USP36: variants seen among roughly 807,000 people sequenced by gnomAD.
USP36 encodes the protein ubiquitin carboxyl-terminal hydrolase 36.
A neutral mutation model predicts 111.5 loss-of-function variants in USP36; 59 were observed. The ratio of observed to expected loss-of-function variants is 0.53; its 90% CI spans 0.43 to 0.66. The LOEUF is 0.66. USP36 is among the 30% of genes least tolerant of loss of function. The probability of loss-of-function intolerance (pLI) is 0.00; values close to 1 mark genes in which losing one functional copy is unlikely to be tolerated. For synonymous variants in USP36, 628 were observed against 581.0 expected (o/e 1.08, Z -1.16); for missense variants, 1,488 against 1,468.0 (o/e 1.01, Z -0.22).
chr17:78,817,616 G>T (rs966862589), intron 10 of USP36, among the ~76,000 whole-genome samples: 2 of 151,906 alleles, frequency 1.3e-5, no homozygotes, highest in Non-Finnish European at 2.9e-5. Context: ...TTAGCCAGGT[G>T]TGGTGGTGGG....
chr17:78,819,901 T>C (rs1407924684), intron 9 of USP36, 29 bp downstream of exon 9: 6 of 1,610,938 alleles, frequency 3.7e-6, no homozygotes, highest in East Asian at 4.5e-5. Flanking sequence ...CTGGTATCAG[T>C]CTTCTGCCAC....
At chr17:78,822,472 T>C (rs1187241206) in intron 6 of USP36, among the ~76,000 whole-genome samples, 2 of 130,746 alleles carry the variant, frequency 1.5e-5, no homozygotes, top group Admixed American at 7.6e-5. Flanking sequence ...GGAAGAGGGG[T>C]GGGGGTGGGA....
chr17:78,816,415 C>G (rs1270826621), intron 10 of USP36, among the ~76,000 whole-genome samples: 2 of 152,030 alleles, frequency 1.3e-5, no homozygotes, highest in Non-Finnish European at 2.9e-5. Context: ...CACTTGAGGT[C>G]AGGAGTTCAA....
Position 78,802,448 on chromosome 17 carries a change from CTG to C in USP36, c.2896_2897del (p.Gln966AlafsTer58). On this transcript the variant is annotated frameshift_variant, in exon 17 of 21. Transcript: ENST00000449938. LOFTEE classifies it high-confidence loss of function. ...KKKKKRKQET[Q>X]RAVEEDGHLK... ...GATGCCCATCCTCTTCTACTGCCCG[CTG>C]TGTCTCCTGCTTTCTTTTTTTCTTT... The C allele has an allele frequency of 6.2e-7, 1 of 1,607,258 alleles. No homozygotes were observed.
At chr17:78,821,109 C>T in intron 7 of USP36, 48 bp from the exon 8 acceptor site, 2 of 1,544,712 alleles carry the variant, frequency 1.3e-6, no homozygotes, top group African/African-American at 1.4e-5. Flanking sequence ...GGCAGAGGCA[C>T]TCCCAGCTCC....
chr17:78,818,669 T>C lies in USP36; in HGVS notation c.1021A>G (p.Lys341Glu). The change falls in exon 10 of 21, where the codon AAG (lysine) becomes GAG (glutamate). Residue 341 changes from lysine to glutamate, a missense_variant and splice_region_variant. This residue lies in a region of USP36 where 196 missense variants were observed against 264.4 expected (regional missense o/e 0.74). Transcript: ENST00000449938. The part of the protein sequence containing the change: ...FANFSGGKIT[K>E]DVGYPEFLNI... ...GGGATGGTGTCACGAGCGCTCACCT[T>C]GGTGATCTTCCCCCCGCTGAAGTTG... 6.2e-7 allele frequency: 1 copy of C among 1,613,736 alleles called. No individual in the cohort carries two copies. The highest frequency in any genetic ancestry group is 8.5e-7 in the Non-Finnish European group (1 of 1,179,712).
intron 7 of USP36, 64 bp from the exon 8 acceptor site, chr17:78,821,125 C>T: frequency 6.7e-7 from 1 of 1,498,866 alleles, no homozygotes; most frequent in Non-Finnish European, 9.0e-7. Flanking sequence ...GCTCCCAAGA[C>T]CGAGACCCAG....
At chr17:78,812,009 T>G (rs968322120) in intron 13 of USP36, among the ~76,000 whole-genome samples, 5 of 152,126 alleles carry the variant, frequency 3.3e-5, no homozygotes, top group African/African-American at 1.2e-4. Context: ...GGCAACATAG[T>G]GAGACCCTGT....
At position 78,821,409 on chromosome 17, in the gene USP36, TATATATA is replaced by T. The variant is rs1319026662; in HGVS notation, c.758-355_758-349del. 2.4e-3 allele frequency: 159 copies of T among 65,120 alleles called. 1 individual carries two copies. The highest frequency in any genetic ancestry group is 3.3e-3 in the Non-Finnish European group (122 of 36,528). The allele number at this position is 65,120 out of a possible 1,614,324, so 4.0% of individuals were successfully genotyped here. ...GAGAATATATATATATATATATATA[TATATATA>T]TATATTTTTTTTTTTTTTTTTTTTT... is the stretch of plus-strand genomic sequence containing the variant. On this transcript the variant is annotated intron_variant, in intron 7 of 20. Transcript: ENST00000449938.
intron 4 of USP36, among the ~76,000 whole-genome samples, chr17:78,830,085 A>AC: frequency 6.6e-6 from 1 of 152,274 alleles, no homozygotes; most frequent in Non-Finnish European, 1.5e-5. Flanking sequence ...GTAAATAAAC[A>AC]CTGCTGTGAT....
chr17:78,823,233 C>G (rs1599064455), intron 6 of USP36: 1 of 398,676 alleles, frequency 2.5e-6, no homozygotes, highest in East Asian at 3.6e-5. Flanking sequence ...ACTGTCCCAC[C>G]ATTCTTCAAA....
intron 7 of USP36, chr17:78,821,421 T>TATATATATATATATA (rs1491310696): frequency 3.0e-4 from 8 of 26,956 alleles, no homozygotes; most frequent in Non-Finnish European, 4.4e-4. Context: ...TATATATATA[T>TATATATATATATATA]TTTTTTTTTT....
At chr17:78,826,320 G>A (rs904937204) in intron 6 of USP36, among the ~76,000 whole-genome samples, 2 of 152,178 alleles carry the variant, frequency 1.3e-5, no homozygotes, top group Admixed American at 6.5e-5. Flanking sequence ...TTGAGGCCAG[G>A]AGTTGGAGAC....
chr17:78,791,022 T>C (rs1440738226), downstream of USP36, among the ~76,000 whole-genome samples: 1 of 152,068 alleles, frequency 6.6e-6, no homozygotes, highest in Admixed American at 6.5e-5. Flanking sequence ...CTGACAATCA[T>C]GATAATTTGA....
At position 78,828,890 on chromosome 17, in the gene USP36, T is replaced by C. The variant is rs1299699047; in HGVS notation, c.586+7A>G. The C allele has an allele frequency of 6.2e-7, 1 of 1,613,726 alleles. No individual in the cohort carries two copies. Among genetic ancestry groups the C allele is most frequent in the Non-Finnish European group, 8.5e-7 (1 of 1,179,790 alleles). On this transcript the variant is annotated splice_region_variant and intron_variant, in intron 5 of 20. Coordinates refer to ENST00000449938, the MANE Select transcript of USP36 (RefSeq NM_001385174.1). ...TCACAAAAATTTTAACATGGATTGA[T>C]GCTTACTTTTCAGGTCTCGGATGAA... is the stretch of plus-strand genomic sequence containing the variant.
chr17:78,805,574 C>T (rs2093876045), intron 15 of USP36, among the ~76,000 whole-genome samples: 1 of 152,154 alleles, frequency 6.6e-6, no homozygotes, highest in Non-Finnish European at 1.5e-5. Context: ...AGCCATTTAC[C>T]AGTTACTCTC....
rs2093942051 is a variant in USP36, at chr17:78,807,576, A to G, written c.1468T>C (p.Ser490Pro). The G allele has an allele frequency of 6.2e-7, 1 of 1,601,200 alleles. No individual in the cohort carries two copies. Among genetic ancestry groups the G allele is most frequent in the African/African-American group, 1.3e-5 (1 of 74,420 alleles). ...HTTEEIGVPI[S>P]RNGSTLGLKS... Reference sequence around the variant, plus strand: ...AGGCCCAGGGTGGAGCCATTCCTGGATATGGGCACACCAATCTCTTCAGTG... The same window carrying G: ...AGGCCCAGGGTGGAGCCATTCCTGGGTATGGGCACACCAATCTCTTCAGTG... The change falls in exon 14 of 21, where the codon TCC becomes CCC. Residue 490 changes from serine to proline, a missense_variant. By Grantham distance (74) the Ser-to-Pro change is moderately conservative. This residue lies in a region of USP36 where 1,073 missense variants were observed against 994.1 expected (regional missense o/e 1.08). Transcript: ENST00000449938.
Position 78,827,226 on chromosome 17 carries a change from T to A in USP36, c.689+19A>T. 1 of 619,608 alleles carries A rather than the reference T, an allele frequency of 1.6e-6. No individual in the cohort carries two copies. The highest frequency in any genetic ancestry group is 2.0e-6 in the Non-Finnish European group (1 of 505,768). The allele number at this position is 619,608 out of a possible 1,614,324, so 38.4% of individuals were successfully genotyped here. On this transcript the variant is annotated intron_variant, in intron 6 of 20. Transcript: ENST00000449938. ...AAAGGTGTCCAAAGCCCTGGGAGGG[T>A]GGGTGGGGAAGCACGCACTTGGCAC...
Position 78,803,445 on chromosome 17 carries a change from CT to C in USP36, c.2749del (p.Arg917GlyfsTer53). On this transcript the variant is annotated frameshift_variant, in exon 16 of 21. Coordinates refer to ENST00000449938, the MANE Select transcript of USP36 (RefSeq NM_001385174.1). LOFTEE classifies it high-confidence loss of function. This position sits in a 1 kb window ranked among gnomAD's most constrained non-coding sequence, Gnocchi z 4.6. ...GHHASSRKRRRKGAEGLGEEG... is the reference protein window; with the variant it reads ...GHHASSRKRRXKGAEGLGEEG... ...TTCACCAAGACCTTCTGCTCCTTTC[CT>C]CCTCCGCTTCCTGCTGCTCGCGTGG... is the stretch of plus-strand genomic sequence containing the variant. 1 of 1,614,184 alleles carries C rather than the reference CT, an allele frequency of 6.2e-7. No individual in the cohort carries two copies. The highest frequency in any genetic ancestry group is 8.5e-7 in the Non-Finnish European group (1 of 1,180,048).
Sources: gnomAD v4.1 joint callset for allele counts (sites outside exome capture counted in the v4.1 genomes callset) on GRCh38, gnomAD v4.1.1 for gene constraint, gnomAD v4.1.1 regional missense constraint, Gnocchi (gnomAD v3.1) non-coding constraint, MANE v1.5 for transcripts, NCBI Gene and HGNC (gene_info 2026-07-23, HGNC 2026-07-21) for gene names.